SAA2: variants seen among roughly 807,000 people sequenced by gnomAD.
The protein encoded by SAA2 is serum amyloid A-2 protein.
SAA2 carries 5 observed loss-of-function variants against 9.1 expected under a neutral mutation model. The observed-to-expected ratio is 0.55, with a 90% CI of 0.29 to 1.16. The LOEUF is 1.16. Ranked by LOEUF, SAA2 falls within the 50% of genes most tolerant of loss-of-function variation. The probability of loss-of-function intolerance (pLI) is 0.09; values close to 1 mark genes in which losing one functional copy is unlikely to be tolerated. For missense variants in SAA2, 94 were observed against 153.8 expected (o/e 0.61, Z 2.06); for synonymous variants, 49 against 59.8 (o/e 0.82, Z 0.83).
chr11:18,238,882 T>G (rs538558123), downstream of SAA2, among the ~76,000 whole-genome samples: 1 of 151,904 alleles, frequency 6.6e-6, no homozygotes, highest in East Asian at 1.9e-4. Flanking sequence ...TCAATTGTTT[T>G]GATTTTTAGA....
At chr11:18,243,695 T>C (rs1043807908), downstream of SAA2, among the ~76,000 whole-genome samples, 2 of 152,234 alleles carry the variant, frequency 1.3e-5, no homozygotes, top group African/African-American at 4.8e-5. Context: ...TAGTTCTACT[T>C]TATATCCATA....
Position 18,245,635 on chromosome 11 carries a change from A to C in SAA2, c.231-120T>G, listed in dbSNP as rs1300779668. 7.7e-6 allele frequency: 11 copies of C among 1,428,560 alleles called. No homozygotes were observed. In the African/African-American group the frequency reaches 8.7e-5, roughly 11 times the overall value. The allele number at this position is 1,428,560 out of a possible 1,614,324, so 88.5% of individuals were successfully genotyped here. A position where few individuals can be genotyped will look rare whatever the true frequency, so the allele number is the denominator to read the frequency against. On this transcript the variant is annotated intron_variant, in intron 3 of 3. Coordinates refer to ENST00000256733, the MANE Select transcript of SAA2 (RefSeq NM_030754.5). ...AGGAGCCCAGAAAGGCCAAGGAAGG[A>C]GGAGTGAAAACACTGACCCTGCCTG...
intron 3 of SAA2, chr11:18,240,224 A>C: frequency 1.4e-6 from 1 of 705,862 alleles, no homozygotes; most frequent in Non-Finnish European, 2.6e-6. Context: ...AATGAGGCAA[A>C]TAAGCAGGTG....
At chr11:18,242,150 G>T (rs182737119), downstream of SAA2, 3 of 152,172 alleles carry the variant, frequency 2.0e-5, no homozygotes, top group African/African-American at 7.2e-5. Flanking sequence ...ATGTATGTAT[G>T]TATTTATTTA....
intron 3 of SAA2, among the ~76,000 whole-genome samples, 167 bp downstream of exon 3, chr11:18,245,743 C>T (rs1279924658): frequency 6.6e-6 from 1 of 152,158 alleles, no homozygotes; most frequent in Non-Finnish European, 1.5e-5. Flanking sequence ...ATCACTCACT[C>T]CTACCATCCA....
chr11:18,246,374 T>C (rs1306877201), intron 2 of SAA2, among the ~76,000 whole-genome samples: 1 of 152,148 alleles, frequency 6.6e-6, no homozygotes, highest in African/African-American at 2.4e-5. Context: ...TACTAAAGTA[T>C]ATATTCTTGC....
At chr11:18,241,525 T>C (rs1271356970), downstream of SAA2, among the ~76,000 whole-genome samples, 3 of 152,142 alleles carry the variant, frequency 2.0e-5, no homozygotes, top group Admixed American at 6.6e-5. Flanking sequence ...TGGAGGGGTG[T>C]GTGTGTATGT....
At chr11:18,244,346 T>C (rs986213089), downstream of SAA2, among the ~76,000 whole-genome samples, 1 of 152,314 alleles carries the variant, frequency 6.6e-6, no homozygotes, top group African/African-American at 2.4e-5. Flanking sequence ...ACAGGAACCC[T>C]AGCTGCATTC....
downstream of SAA2, chr11:18,245,103 G>T: frequency 1.8e-6 from 1 of 564,430 alleles, no homozygotes; most frequent in Non-Finnish European, 2.9e-6. Context: ...TGTCTGCACT[G>T]TGACTACTAA....
downstream of SAA2, chr11:18,242,806 C>T (rs1302422053): frequency 4.3e-6 from 3 of 701,746 alleles, no homozygotes; most frequent in East Asian, 8.1e-5. Context: ...ATGATCATGC[C>T]ATGGCACTTC....
In SAA2 at chr11:18,245,895, A is replaced by C; in HGVS notation, c.230+15T>G. 6.2e-7 allele frequency: 1 copy of C among 1,614,012 alleles called. No homozygotes were observed. The highest frequency in any genetic ancestry group is 1.3e-5 in the African/African-American group (1 of 75,034). The stretch of plus-strand genomic sequence containing the variant: ...TCTGCTCACCCAGCCCTAACGTCCC[A>C]GGAGCTCCAGTTACCTGATCACTTC... On this transcript the variant is annotated intron_variant, in intron 3 of 3. Transcript: ENST00000256733.
At chr11:18,246,587 C>A (rs149981466) in intron 2 of SAA2, among the ~76,000 whole-genome samples, 36 of 152,304 alleles carry the variant, frequency 2.4e-4, no homozygotes, top group African/African-American at 8.2e-4. Context: ...GGCTGGAGCA[C>A]ACTGGAGCAA....
At chr11:18,239,572 C>T (rs1025601600) in exon 4 of SAA2, 3 of 401,764 alleles carry the variant, frequency 7.5e-6, no homozygotes, top group Non-Finnish European at 8.7e-6. Flanking sequence ...GTCAATGACT[C>T]CATGTTGCTT....
At chr11:18,243,885 C>A (rs142503532), downstream of SAA2, among the ~76,000 whole-genome samples, 105 of 152,284 alleles carry the variant, frequency 6.9e-4, no homozygotes, top group Middle Eastern at 6.8e-3. Flanking sequence ...GATGCTGGAG[C>A]TGGACCCTGT....
downstream of SAA2, chr11:18,240,373 G>A (rs1857312976): frequency 1.0e-5 from 7 of 695,014 alleles, no homozygotes; most frequent in South Asian, 1.1e-4. Flanking sequence ...TAAAAGAAGA[G>A]CAGAGAATAG....
chr11:18,240,258 A>T (rs1242123636), downstream of SAA2: 3 of 703,136 alleles, frequency 4.3e-6, no homozygotes, highest in Admixed American at 4.0e-5. Flanking sequence ...AAGTCCATCC[A>T]GTTGTGGTTG....
chr11:18,245,690 C>T (rs1314189072), intron 3 of SAA2, among the ~76,000 whole-genome samples, 175 bp from the exon 4 acceptor site: 1 of 152,224 alleles, frequency 6.6e-6, no homozygotes, highest in Non-Finnish European at 1.5e-5. Flanking sequence ...AGGCTGGGCA[C>T]CCCTAGGCTG....
chr11:18,246,626 G>A (rs1857555563), intron 2 of SAA2, among the ~76,000 whole-genome samples: 1 of 152,182 alleles, frequency 6.6e-6, no homozygotes, highest in South Asian at 2.1e-4. Context: ...CCGCTTCCCG[G>A]GTTCAAGTGA....
downstream of SAA2, among the ~76,000 whole-genome samples, chr11:18,243,397 T>G (rs1331194164): frequency 6.6e-6 from 1 of 152,236 alleles, no homozygotes; most frequent in African/African-American, 2.4e-5. Context: ...GACAGAAATC[T>G]AATTGTAAGC....
Sources: allele counts gnomAD v4.1 joint callset (sites outside exome capture counted in the v4.1 genomes callset), GRCh38; gene constraint gnomAD v4.1.1; transcripts MANE v1.5; gene names NCBI Gene and HGNC (gene_info 2026-07-23, HGNC 2026-07-21).